EHD1: variants seen among roughly 807,000 people sequenced by gnomAD.
EHD1 encodes the protein EH domain-containing protein 1.
EHD1 carries 19 observed loss-of-function variants against 39.0 expected under a neutral mutation model. The ratio of observed to expected loss-of-function variants is 0.49; its 90% confidence interval spans 0.34 to 0.72. The LOEUF (loss-of-function observed/expected upper bound fraction) is 0.72, where lower values mean the gene tolerates loss of function less well. EHD1 is among the 30% of genes least tolerant of loss of function. EHD1 has a pLI of 0.01. For missense variants in EHD1, 542 were observed against 751.5 expected (o/e 0.72, Z 3.26); for synonymous variants, 323 against 331.2 (o/e 0.98, Z 0.27).
intron 3 of EHD1, 49 bp downstream of exon 3, chr11:64,859,875 C>T: frequency 6.4e-7 from 1 of 1,565,970 alleles, no homozygotes; most frequent in Non-Finnish European, 8.7e-7. Flanking sequence ...GTCTCAGAGC[C>T]CCATGGCCCT....
At position 64,854,693 on chromosome 11, in the gene EHD1, G is replaced by A. The variant is rs142899181; in HGVS notation, c.1245C>T (p.Asp415=). 195 of 1,613,494 alleles carry A rather than the reference G, an allele frequency of 1.2e-4. No individual in the cohort carries two copies. The highest frequency in any genetic ancestry group is 9.1e-4 in the East Asian group (41 of 44,866). Residue 415 remains aspartate (D), a synonymous_variant, in exon 5 of 5, where the codon GAC becomes GAT. Transcript: ENST00000320631. ...PSQVVKGGAF[D]GTMNGPFGHG... Reference sequence around the variant, plus strand: ...GCCCGAACGGCCCGTTCATGGTGCCGTCAAAGGCGCCGCCCTTGACCACCT... The same window carrying A: ...GCCCGAACGGCCCGTTCATGGTGCCATCAAAGGCGCCGCCCTTGACCACCT...
chr11:64,878,563 G>C lies in EHD1; in HGVS notation c.-99C>G, dbSNP rs963111447. 48 of 1,462,826 alleles carry C rather than the reference G, an allele frequency of 3.3e-5. 2 individuals carry two copies. In the East Asian group the frequency reaches 1.2e-3, roughly 36 times the overall value. 90.6% of individuals were successfully genotyped at this position (1,462,826 alleles called of 1,614,324 possible). On this transcript the variant is annotated 5_prime_UTR_variant, in exon 1 of 5. Transcript: ENST00000320631. The stretch of plus-strand genomic sequence containing the variant: ...CGGGGCCGGCCGGGGCAGGGAATCG[G>C]GAGCGACCCACACTGCGCAGGCGCA...
chr11:64,854,692 C>A lies in EHD1; in HGVS notation c.1246G>T (p.Gly416Cys), dbSNP rs777205616. ...TGCCCGAACGGCCCGTTCATGGTGC[C>A]GTCAAAGGCGCCGCCCTTGACCACC... ...SQVVKGGAFD[G>C]TMNGPFGHGY... is the part of the protein sequence containing the mutation. The change falls in exon 5 of 5, where the codon GGC becomes TGC. Residue 416 changes from glycine to cysteine, a missense_variant. Transcript: ENST00000320631. The A allele has an allele frequency of 8.1e-6, 13 of 1,613,496 alleles. No individual in the cohort carries two copies. The highest frequency in any genetic ancestry group is 1.1e-5 in the Non-Finnish European group (13 of 1,180,006).
intron 2 of EHD1, among the ~76,000 whole-genome samples, chr11:64,872,376 G>C (rs545260155): frequency 6.6e-6 from 1 of 152,160 alleles, no homozygotes; most frequent in Non-Finnish European, 1.5e-5. Flanking sequence ...TGGGAGGATC[G>C]CTTGAACCAG....
intron 1 of EHD1, 161 bp downstream of exon 1, chr11:64,877,900 T>C: frequency 1.5e-6 from 1 of 679,234 alleles, no homozygotes; most frequent in East Asian, 3.3e-5. Flanking sequence ...GGGTTTACTC[T>C]GGGAAGGGGC....
chr11:64,870,356 G>A (rs998654876), intron 2 of EHD1, among the ~76,000 whole-genome samples: 1 of 152,184 alleles, frequency 6.6e-6, no homozygotes, highest in African/African-American at 2.4e-5. Context: ...TCAAATCCTA[G>A]CGCCGACACT....
At chr11:64,855,591 A>G in intron 3 of EHD1, 105 bp from the exon 4 acceptor site, 2 of 1,539,668 alleles carry the variant, frequency 1.3e-6, no homozygotes, top group Non-Finnish European at 1.8e-6. Flanking sequence ...TCGCTCAGGA[A>G]CAGGGAAGCA....
At chr11:64,871,441 T>G (rs901771890) in intron 2 of EHD1, among the ~76,000 whole-genome samples, 21 of 152,194 alleles carry the variant, frequency 1.4e-4, no homozygotes, top group Non-Finnish European at 3.1e-4. Context: ...CTAGCGGGGC[T>G]CATCCTGGAG....
upstream of EHD1, chr11:64,878,757 A>T (rs545599313): frequency 8.0e-6 from 9 of 1,129,216 alleles, no homozygotes; most frequent in Non-Finnish European, 1.0e-5. Flanking sequence ...GACTGGTGCC[A>T]CGTCTTCCCC....
Position 64,852,312 on chromosome 11 carries a change from C to T in EHD1, c.*2021G>A, listed in dbSNP as rs938150715. ...CCGGCTTCCCTGTACTTAAACCGTC[C>T]TTGGGGCTAGCAAGGAGCCAGTCTG... is the stretch of plus-strand genomic sequence containing the variant. On this transcript the variant is annotated 3_prime_UTR_variant, in exon 5 of 5. Coordinates refer to ENST00000320631, the MANE Select transcript of EHD1 (RefSeq NM_006795.4). 16 of 152,302 alleles carry T rather than the reference C, an allele frequency of 1.1e-4. No homozygotes were observed. Among genetic ancestry groups the T allele is most frequent in the African/African-American group, 3.1e-4 (13 of 41,548 alleles). The allele number at this position is 152,302 out of a possible 1,614,324, so 9.4% of individuals were successfully genotyped here. A position where few individuals can be genotyped will look rare whatever the true frequency, so the allele number is the denominator to read the frequency against.
chr11:64,860,357 A>C, intron 2 of EHD1, 21 bp from the exon 3 acceptor site: 1 of 1,596,096 alleles, frequency 6.3e-7, no homozygotes, highest in Non-Finnish European at 8.6e-7. Flanking sequence ...GAGAAGGGAG[A>C]GCTCAGGGGC....
Position 64,860,203 on chromosome 11 carries a change from G to C in EHD1, c.636C>G (p.Asp212Glu). The C allele has an allele frequency of 6.2e-7, 1 of 1,614,164 alleles. No homozygotes were observed. The highest frequency in any genetic ancestry group is 8.5e-7 in the Non-Finnish European group (1 of 1,180,048). The change falls in exon 3 of 5, where the codon GAC becomes GAG. Residue 212 changes from aspartate (D) to glutamate (E), a missense_variant. Physicochemically the swap from Asp to Glu is conservative, Grantham distance 45 (BLOSUM62 2). Transcript: ENST00000320631. ...CCTTGTTCAGCACCACGCGGATCTT[G>C]TCCTCATGGTTCTTCAGAGCCTTGA... is the stretch of plus-strand genomic sequence containing the variant. ...EVIKALKNHEDKIRVVLNKAD... is the reference protein window; with the variant it reads ...EVIKALKNHEEKIRVVLNKAD...
intron 4 of EHD1, 109 bp downstream of exon 4, chr11:64,855,213 C>A: frequency 6.9e-7 from 1 of 1,450,926 alleles, no homozygotes; most frequent in South Asian, 1.4e-5. Context: ...TGCTTCCGTT[C>A]AGGGAGGCCC....
rs199679486 is a variant in EHD1 at position 64,855,477 on chromosome 11, A to G, written c.925T>C (p.Tyr309His). 5.6e-6 allele frequency: 9 copies of G among 1,613,772 alleles called. No individual in the cohort carries two copies. Among genetic ancestry groups the G allele is most frequent in the Non-Finnish European group, 7.6e-6 (9 of 1,180,006 alleles). ...KRARLAKVHA[Y>H]IISSLKKEMP... is the part of the protein sequence containing the mutation. ...TCTTTCTTGAGGGAGCTGATGATGT[A>G]GGCGTGAACCTGTGAGGACGGGGTG... Residue 309 changes from tyrosine (Y) to histidine (H), a missense_variant, in exon 4 of 5, where the codon TAC becomes CAC. Physicochemically the swap from Tyr to His is moderately conservative, Grantham distance 83 (BLOSUM62 2). Transcript: ENST00000320631.
chr11:64,859,820 G>T, intron 3 of EHD1, 104 bp downstream of exon 3: 1 of 1,448,166 alleles, frequency 6.9e-7, no homozygotes, highest in Non-Finnish European at 9.2e-7. Context: ...TGCCTGTGAA[G>T]TGAGCTGGGA....
chr11:64,878,540 G>C lies in EHD1; in HGVS notation c.-76C>G, dbSNP rs1421182074. 7 of 1,480,344 alleles carry C rather than the reference G, an allele frequency of 4.7e-6. No homozygotes were observed. In the South Asian group the frequency reaches 9.2e-5, roughly 20 times the overall value. The allele number at this position is 1,480,344 out of a possible 1,614,324, so 91.7% of individuals were successfully genotyped here. ...GGGGCGAGGGTGCGGAGCCGAGGCGGGGCCGGCCGGGGCAGGGAATCGGGA... is the reference window on the plus strand; with the variant it reads ...GGGGCGAGGGTGCGGAGCCGAGGCGCGGCCGGCCGGGGCAGGGAATCGGGA... On this transcript the variant is annotated 5_prime_UTR_variant, in exon 1 of 5. Transcript: ENST00000320631.
rs575344808 is a variant in EHD1 at position 64,877,980 on chromosome 11, G to A, written c.404+81C>T. On this transcript the variant is annotated intron_variant, in intron 1 of 4. Coordinates refer to ENST00000320631, the MANE Select transcript of EHD1 (RefSeq NM_006795.4). ...CCTCGGAGACAAAGGACGGCGGGGC[G>A]ACAGCCACGGGAGGGTCAGGCTCCG... 129 of 1,381,914 alleles carry A rather than the reference G, an allele frequency of 9.3e-5. No individual in the cohort carries two copies. The East Asian group carries it at 2.5e-3, about 26-fold the overall frequency. 85.6% of individuals were successfully genotyped at this position (1,381,914 alleles called of 1,614,324 possible). A position where few individuals can be genotyped will look rare whatever the true frequency, so the allele number is the denominator to read the frequency against.
At chr11:64,857,644 C>T (rs1943667840) in intron 3 of EHD1, among the ~76,000 whole-genome samples, 1 of 152,096 alleles carries the variant, frequency 6.6e-6, no homozygotes, top group African/African-American at 2.4e-5. Flanking sequence ...TCTCACTGCT[C>T]AGACCAGGTA....
At chr11:64,867,540 G>T (rs1168322953) in intron 2 of EHD1, among the ~76,000 whole-genome samples, 1 of 152,090 alleles carries the variant, frequency 6.6e-6, no homozygotes, top group Admixed American at 6.5e-5. Context: ...TCAACATGGT[G>T]AAACCCTGTC....
Sources: gnomAD v4.1 joint callset for allele counts (sites outside exome capture counted in the v4.1 genomes callset) on GRCh38, gnomAD v4.1.1 for gene constraint, MANE v1.5 for transcripts, NCBI Gene and HGNC (gene_info 2026-07-23, HGNC 2026-07-21) for gene names.